ZNF335: variants seen among roughly 807,000 people sequenced by gnomAD.
ZNF335 encodes zinc finger protein 335.
A neutral mutation model predicts 145.6 loss-of-function variants in ZNF335; 84 were observed. The ratio of observed to expected loss-of-function variants is 0.58; its 90% confidence interval spans 0.48 to 0.69. The LOEUF (loss-of-function observed/expected upper bound fraction) is 0.69, where lower values mean the gene tolerates loss of function less well. Among genes scored for constraint, ZNF335 ranks in the 30% least tolerant of loss-of-function variants. The pLI is 0.00. For synonymous variants in ZNF335, 761 were observed against 717.0 expected (o/e 1.06, Z -0.98); for missense variants, 1,865 against 1,809.7 (o/e 1.03, Z -0.55).
intron 17 of ZNF335, among the ~76,000 whole-genome samples, chr20:45,954,390 C>T (rs1454693453): frequency 6.6e-6 from 1 of 152,222 alleles, no homozygotes; most frequent in Middle Eastern, 3.4e-3. Context: ...GAAAAAAGCT[C>T]CAGTGTACAT....
At position 45,963,587 on chromosome 20, in the gene ZNF335, G is replaced by A; in HGVS notation, c.1419C>T (p.Arg473=). ...AGCGCAGGTCCTCGTGGGACAGAAAGCGAGAACCACAGATGCGGCACAGGA... is the reference window on the plus strand; with the variant it reads ...AGCGCAGGTCCTCGTGGGACAGAAAACGAGAACCACAGATGCGGCACAGGA... ...RPFLCRICGS[R]FLSHEDLRFH... is the part of the protein sequence containing the mutation. The change falls in exon 9 of 28, where the codon CGC becomes CGT. Residue 473 remains arginine (R), a synonymous_variant. Transcript: ENST00000322927. 1 of 1,614,240 alleles carries A rather than the reference G, an allele frequency of 6.2e-7. No homozygotes were observed. Among genetic ancestry groups the A allele is most frequent in the Non-Finnish European group, 8.5e-7 (1 of 1,180,050 alleles).
chr20:45,959,191 C>A lies in ZNF335; in HGVS notation c.2253+10G>T, dbSNP rs6130977. ...TCACTCTGTCATCCTGACCCATGCC[C>A]CGACCTTACCTCAGGAGGTCCTGGG... On this transcript the variant is annotated intron_variant, in intron 15 of 27. Coordinates refer to ENST00000322927, the MANE Select transcript of ZNF335 (RefSeq NM_022095.4). The A allele has an allele frequency of 0.017, 22,515 of 1,362,650 alleles. 457 individuals are homozygous for A. The highest frequency in any genetic ancestry group is 0.083 in the African/African-American group (5,588 of 67,064). The allele number at this position is 1,362,650 out of a possible 1,614,324, so 84.4% of individuals were successfully genotyped here.
chr20:45,960,564 C>T lies in ZNF335; in HGVS notation c.1783-39G>A, dbSNP rs377036691. On this transcript the variant is annotated intron_variant, in intron 12 of 27. Coordinates refer to ENST00000322927, the MANE Select transcript of ZNF335 (RefSeq NM_022095.4). ...AGAGCAGTGAGATGGCGATCACCCTCCATCACCCAGGGGAGGCCCTCCTCT... is the reference window on the plus strand; with the variant it reads ...AGAGCAGTGAGATGGCGATCACCCTTCATCACCCAGGGGAGGCCCTCCTCT... 18 of 1,613,922 alleles carry T rather than the reference C, an allele frequency of 1.1e-5. 1 individual carries two copies. In the South Asian group the frequency reaches 1.6e-4, roughly 15 times the overall value.
chr20:45,948,894 G>GC lies in ZNF335; in HGVS notation c.*58dup. On this transcript the variant is annotated 3_prime_UTR_variant, in exon 28 of 28. Coordinates refer to ENST00000322927, the MANE Select transcript of ZNF335 (RefSeq NM_022095.4). Reference sequence around the variant, plus strand: ...ATGAAGAGGGAGGTGAGTCCTGGTGGCCCCCTACCCCCAGGAGAGCTGGCC... The same window carrying GC: ...ATGAAGAGGGAGGTGAGTCCTGGTGGCCCCCCTACCCCCAGGAGAGCTGGCC... 2 of 1,611,072 alleles carry GC rather than the reference G, an allele frequency of 1.2e-6. No individual in the cohort carries two copies. The highest frequency in any genetic ancestry group is 2.2e-5 in the East Asian group (1 of 44,812).
At position 45,952,629 on chromosome 20, in the gene ZNF335, G is replaced by A; in HGVS notation, c.2783C>T (p.Ala928Val). The A allele has an allele frequency of 1.2e-6, 2 of 1,614,006 alleles. No homozygotes were observed. The highest frequency in any genetic ancestry group is 8.5e-7 in the Non-Finnish European group (1 of 1,180,020). Reference protein sequence around the residue: ...LKEAGTHYIMATDGTQLHHIE... With the variant: ...LKEAGTHYIMVTDGTQLHHIE... ...GTGGTGCAACTGGGTACCATCAGTAGCCATGATGTAGTGGGTGCCAGCTTC... is the reference window on the plus strand; with the variant it reads ...GTGGTGCAACTGGGTACCATCAGTAACCATGATGTAGTGGGTGCCAGCTTC... Residue 928 changes from alanine (A) to valine (V), a missense_variant, in exon 19 of 28, where the codon GCT (alanine) becomes GTT (valine). Physicochemically the swap from Ala to Val is moderately conservative, Grantham distance 64 (BLOSUM62 0). Transcript: ENST00000322927.
rs767801242 is a variant in ZNF335, at chr20:45,950,264, T to G, written c.3442A>C (p.Thr1148Pro). The G allele has an allele frequency of 6.4e-7, 1 of 1,551,482 alleles. No homozygotes were observed. The change falls in exon 22 of 28, where the codon ACC becomes CCC. Residue 1148 changes from threonine to proline, a missense_variant. Transcript: ENST00000322927. ...TCGTCATCACTGTTCAGGATGATGG[T>G]CTGGGTTGGGGTCTGGGTAGGGGCC... The part of the protein sequence containing the change: ...ARAPTQTPTQ[T>P]IILNSDDETL...
rs2083891763 is a variant in ZNF335 at position 45,963,624 on chromosome 20, A to T, written c.1382T>A (p.Leu461His). The change falls in exon 9 of 28, where the codon CTT becomes CAT. Residue 461 changes from leucine to histidine, a missense_variant. Coordinates refer to ENST00000322927, the MANE Select transcript of ZNF335 (RefSeq NM_022095.4). The part of the protein sequence containing the change: ...RKYYYKSPKP[L>H]LRPFLCRICG... ...GATGCGGCACAGGAAGGGCCTCAAAAGTGGTTTGGGCGACTTGTAATAGTA... is the reference window on the plus strand; with the variant it reads ...GATGCGGCACAGGAAGGGCCTCAAATGTGGTTTGGGCGACTTGTAATAGTA... 6.2e-7 allele frequency: 1 copy of T among 1,614,188 alleles called. No homozygotes were observed. The highest frequency in any genetic ancestry group is 2.2e-5 in the East Asian group (1 of 44,884).
chr20:45,955,549 T>G (rs796272452), intron 17 of ZNF335, among the ~76,000 whole-genome samples: 1 of 152,014 alleles, frequency 6.6e-6, no homozygotes, highest in Non-Finnish European at 1.5e-5. Context: ...CTGGGTACGG[T>G]GGCTCACACC....
At chr20:45,966,176 A>T (rs773266038) in intron 6 of ZNF335, among the ~76,000 whole-genome samples, 7 of 152,164 alleles carry the variant, frequency 4.6e-5, no homozygotes, top group Non-Finnish European at 8.8e-5. Context: ...GTCCAAACTG[A>T]GATATAATTA....
chr20:45,963,771 G>A lies in ZNF335; in HGVS notation c.1322C>T (p.Pro441Leu), dbSNP rs1289419685. The A allele has an allele frequency of 5.0e-6, 8 of 1,614,180 alleles. No individual in the cohort carries two copies. Among genetic ancestry groups the A allele is most frequent in the Non-Finnish European group, 6.8e-6 (8 of 1,180,000 alleles). The change falls in exon 8 of 28, where the codon CCT becomes CTT. Residue 441 changes from proline to leucine, a missense_variant. Transcript: ENST00000322927. ...TTTCTTGCCTAGGAAGCGCCTGGAA[G>A]GTCGACCTCGGCGCCGGGGCAGAGT... is the stretch of plus-strand genomic sequence containing the variant. ...HDTLPRRRGR[P>L]SRRFLGKKYR...
chr20:45,961,165 G>C (rs2083836546), intron 10 of ZNF335, among the ~76,000 whole-genome samples: 1 of 152,142 alleles, frequency 6.6e-6, no homozygotes, highest in South Asian at 2.1e-4. Context: ...ATCAGTTAAG[G>C]CCCGGAGTTT....
At chr20:45,970,888 G>T (rs2084049447) in intron 2 of ZNF335, among the ~76,000 whole-genome samples, 1 of 151,652 alleles carries the variant, frequency 6.6e-6, no homozygotes, top group African/African-American at 2.4e-5. Flanking sequence ...TACCACTCCT[G>T]GCCTAGACAT....
Position 45,959,332 on chromosome 20 carries a change from A to G in ZNF335, c.2122T>C (p.Trp708Arg). 1.3e-6 allele frequency: 2 copies of G among 1,585,418 alleles called. No individual in the cohort carries two copies. The highest frequency in any genetic ancestry group is 1.7e-6 in the Non-Finnish European group (2 of 1,163,360). Residue 708 changes from tryptophan to arginine, a missense_variant, in exon 15 of 28, where the codon TGG becomes CGG. By Grantham distance (101) the Trp-to-Arg change is moderately radical. Transcript: ENST00000322927. ...RCRHASSFEE[W>R]GRRHPEEPPS... ...GGCTCCTCAGGGTGGCGCCTCCCCC[A>G]TTCCTCGAAGCTGCTTGCGTGTCGG...
At chr20:45,969,806 A>G in intron 2 of ZNF335, 115 bp from the exon 3 acceptor site, 1 of 1,432,332 alleles carries the variant, frequency 7.0e-7, no homozygotes, top group Non-Finnish European at 9.4e-7. Flanking sequence ...TGGTCAGTGG[A>G]GCCACTCATG....
intron 10 of ZNF335, chr20:45,961,786 TAC>T (rs1450660511): frequency 1.6e-5 from 6 of 366,066 alleles, no homozygotes; most frequent in Non-Finnish European, 3.1e-5. Flanking sequence ...CTCCTTTAGG[TAC>T]ACAATTTCCT....
chr20:45,952,652 T>A lies in ZNF335; in HGVS notation c.2760A>T (p.Glu920Asp). Residue 920 changes from glutamate (E) to aspartate (D), a missense_variant, in exon 19 of 28, where the codon GAA becomes GAT. Glu to Asp is a conservative substitution (Grantham distance 45). Transcript: ENST00000322927. ...TAGCCATGATGTAGTGGGTGCCAGC[T>A]TCTTTTAGGGTGTCACTCACAACCA... is the stretch of plus-strand genomic sequence containing the variant. ...QAVVVSDTLKEAGTHYIMATD... is the reference protein window; with the variant it reads ...QAVVVSDTLKDAGTHYIMATD... 6.2e-7 allele frequency: 1 copy of A among 1,613,886 alleles called. No individual in the cohort carries two copies. Among genetic ancestry groups the A allele is most frequent in the East Asian group, 2.2e-5 (1 of 44,856 alleles).
intron 2 of ZNF335, among the ~76,000 whole-genome samples, chr20:45,970,530 C>A (rs1218317278): frequency 6.6e-6 from 1 of 152,152 alleles, no homozygotes; most frequent in Non-Finnish European, 1.5e-5. Flanking sequence ...GACGAGGAAA[C>A]AGAGCTAGAT....
chr20:45,966,177 G>A lies in ZNF335; in HGVS notation c.956-403C>T, dbSNP rs960229884. Among the ~76,000 whole-genome samples, 4 of 151,982 alleles carry A rather than the reference G, an allele frequency of 2.6e-5. No homozygotes were observed. In the South Asian group the frequency reaches 8.3e-4, roughly 32 times the overall value. On this transcript the variant is annotated intron_variant, in intron 6 of 27. Coordinates refer to ENST00000322927, the MANE Select transcript of ZNF335 (RefSeq NM_022095.4). ...TTGAAATATGCCTAGTCCAAACTGA[G>A]ATATAATTAAGTGTAAAATAATGAA...
chr20:45,960,667 G>T lies in ZNF335; in HGVS notation c.1731C>A (p.Leu577=). The part of the protein sequence containing the change: ...CGRVYPMQKR[L]TQHMKTHSTE... ...TGCTGTGCGTCTTCATGTGCTGCGT[G>T]AGTCTTTTCTGCATGGGGTACACAC... The change falls in exon 12 of 28, where the codon CTC becomes CTA. Residue 577 remains leucine (L), a synonymous_variant. Transcript: ENST00000322927. The T allele has an allele frequency of 6.2e-7, 1 of 1,614,120 alleles. No homozygotes were observed. The highest frequency in any genetic ancestry group is 8.5e-7 in the Non-Finnish European group (1 of 1,180,026).
Sources: gnomAD v4.1 joint callset for allele counts (sites outside exome capture counted in the v4.1 genomes callset) on GRCh38, gnomAD v4.1.1 for gene constraint, MANE v1.5 for transcripts, NCBI Gene and HGNC (gene_info 2026-07-23, HGNC 2026-07-21) for gene names.